The following NFX1 variants were observed in gnomAD, a reference collection of about 807,000 sequenced individuals.
NFX1 encodes the protein transcriptional repressor NF-X1.
A neutral mutation model predicts 137.2 loss-of-function variants in NFX1; 69 were observed. The observed-to-expected ratio is 0.50, with a 90% CI of 0.41 to 0.61. NFX1 has a LOEUF of 0.61. Among genes scored for constraint, NFX1 ranks in the 20% least tolerant of loss-of-function variants. The pLI is 0.00. For missense variants in NFX1, 1,167 were observed against 1,391.0 expected (o/e 0.84, Z 2.56); for synonymous variants, 495 against 474.1 (o/e 1.04, Z -0.57).
At chr9:33,309,667 G>T (rs1821893269) in intron 5 of NFX1, among the ~76,000 whole-genome samples, 1 of 152,166 alleles carries the variant, frequency 6.6e-6, no homozygotes, top group Non-Finnish European at 1.5e-5. Context: ...TCGCTCTGTT[G>T]CCCAGGCTTG....
intron 21 of NFX1, among the ~76,000 whole-genome samples, chr9:33,366,314 C>T (rs992803905): frequency 6.6e-6 from 1 of 152,070 alleles, no homozygotes; most frequent in African/African-American, 2.4e-5. Context: ...TGGGGAATAT[C>T]ACCCACTCCC....
intron 9 of NFX1, among the ~76,000 whole-genome samples, chr9:33,319,660 C>G (rs971993978): frequency 6.6e-6 from 1 of 152,178 alleles, no homozygotes; most frequent in Admixed American, 6.5e-5. Context: ...CAGGCGCACA[C>G]CACCACGCCC....
rs376762913 is a variant in NFX1, at chr9:33,330,569, T to C, written c.2004+1891T>C. On this transcript the variant is annotated intron_variant, in intron 10 of 23. Coordinates refer to ENST00000379540, the MANE Select transcript of NFX1 (RefSeq NM_002504.6). ...GATTTGGCAATCATAAATTTAGTAA[T>C]GCCCAGAGATGCTCTTTGTGATCTG... Among the ~76,000 whole-genome samples, 221 of 152,340 alleles carry C rather than the reference T, an allele frequency of 1.5e-3. 7 individuals carry two copies. In the South Asian group the frequency reaches 0.044, roughly 30 times the overall value.
intron 10 of NFX1, among the ~76,000 whole-genome samples, chr9:33,331,862 A>G (rs935123701): frequency 1.3e-5 from 2 of 152,180 alleles, no homozygotes; most frequent in Admixed American, 1.3e-4. Flanking sequence ...CTTCCTTCCC[A>G]CACACCATCA....
Position 33,338,503 on chromosome 9 carries a change from A to G in NFX1, c.2036-7A>G, listed in dbSNP as rs1294759768. 9 of 1,605,394 alleles carry G rather than the reference A, an allele frequency of 5.6e-6. No individual in the cohort carries two copies. The highest frequency in any genetic ancestry group is 7.6e-6 in the Non-Finnish European group (9 of 1,177,590). ...GTTTTTTTTTTCTTTTTAATTTGCC[A>G]CAGCAGATGCTACATTTATGTGTGA... On this transcript the variant is annotated splice_polypyrimidine_tract_variant and splice_region_variant and intron_variant, in intron 11 of 23. Coordinates refer to ENST00000379540, the MANE Select transcript of NFX1 (RefSeq NM_002504.6).
chr9:33,294,320 A>G (rs915870068), intron 1 of NFX1, 100 bp from the exon 2 acceptor site: 27 of 1,132,852 alleles, frequency 2.4e-5, no homozygotes, highest in Non-Finnish European at 3.1e-5. Context: ...GTTTTATACA[A>G]AGTTCTAAGG....
intron 11 of NFX1, among the ~76,000 whole-genome samples, chr9:33,334,582 G>T (rs1822931129): frequency 6.6e-6 from 1 of 152,136 alleles, no homozygotes; most frequent in African/African-American, 2.4e-5. Flanking sequence ...TTGTTAGTTA[G>T]GGTTTCAGAT....
Position 33,351,732 on chromosome 9 carries a change from C to A in NFX1, c.2597C>A (p.Pro866Gln). 3 of 1,612,630 alleles carry A rather than the reference C, an allele frequency of 1.9e-6. No individual in the cohort carries two copies. The highest frequency in any genetic ancestry group is 3.3e-5 in the Admixed American group (2 of 59,826). Residue 866 changes from proline (P) to glutamine (Q), a missense_variant, in exon 16 of 24, where the codon CCG becomes CAG. Transcript: ENST00000379540. Reference protein sequence around the residue: ...CTTPRADCGHPCMAPCHTSSP... With the variant: ...CTTPRADCGHQCMAPCHTSSP... ...ACCCCCAGAGCTGACTGTGGTCACC[C>A]GTGTATGGCACCCTGCCATACCAGC...
intron 11 of NFX1, among the ~76,000 whole-genome samples, chr9:33,337,731 TAAAACAAAACAAAAC>T (rs144681736): frequency 1.3e-5 from 2 of 149,322 alleles, no homozygotes; most frequent in African/African-American, 2.5e-5. Context: ...CCTGTCTCTT[TAAAACAAAACAAAAC>T]AAAACAAAAC....
intron 12 of NFX1, among the ~76,000 whole-genome samples, chr9:33,342,440 C>T (rs564570776): frequency 1.3e-5 from 2 of 152,174 alleles, no homozygotes; most frequent in South Asian, 2.1e-4. Context: ...CCAGCCTGGG[C>T]GACAGAGCGA....
rs1384076611 is a variant in NFX1 at position 33,370,023 on chromosome 9, G to A, written c.*45G>A. The stretch of plus-strand genomic sequence containing the variant: ...GATAAAAGAATGATTAGGTATAGTG[G>A]AGACTTATTTGCCAGCAGATAAATC... On this transcript the variant is annotated 3_prime_UTR_variant, in exon 24 of 24. Coordinates refer to ENST00000379540, the MANE Select transcript of NFX1 (RefSeq NM_002504.6). 1 of 1,470,222 alleles carries A rather than the reference G, an allele frequency of 6.8e-7. No homozygotes were observed. Among genetic ancestry groups the A allele is most frequent in the Non-Finnish European group, 9.5e-7 (1 of 1,054,502 alleles). The allele number at this position is 1,470,222 out of a possible 1,614,324, so 91.1% of individuals were successfully genotyped here.
At chr9:33,362,946 C>T (rs1244162626) in intron 19 of NFX1, among the ~76,000 whole-genome samples, 4 of 151,796 alleles carry the variant, frequency 2.6e-5, no homozygotes, top group Admixed American at 6.6e-5. Context: ...TCAGGTGATC[C>T]GCCCGCCTCG....
intron 18 of NFX1, 99 bp from the exon 19 acceptor site, chr9:33,354,752 C>A: frequency 8.7e-7 from 1 of 1,145,404 alleles, no homozygotes; most frequent in Non-Finnish European, 1.2e-6. Context: ...TGGCAAGAGT[C>A]AGCTGTGCTT....
At chr9:33,330,884 A>G (rs1822781193) in intron 10 of NFX1, among the ~76,000 whole-genome samples, 1 of 152,212 alleles carries the variant, frequency 6.6e-6, no homozygotes, top group Non-Finnish European at 1.5e-5. Flanking sequence ...AACTCTTCAA[A>G]AAGCTGATAA....
intron 2 of NFX1, among the ~76,000 whole-genome samples, chr9:33,300,284 T>C (rs563143374): frequency 3.9e-4 from 59 of 151,958 alleles, no homozygotes; most frequent in African/African-American, 1.2e-3. Flanking sequence ...AGGATGGTCT[T>C]GATCTCCCGA....
chr9:33,290,608 G>A lies in NFX1; in HGVS notation c.25+11G>A, dbSNP rs1336700948. 6.2e-7 allele frequency: 1 copy of A among 1,612,178 alleles called. No homozygotes were observed. The highest frequency in any genetic ancestry group is 2.2e-5 in the East Asian group (1 of 44,810). On this transcript the variant is annotated intron_variant, in intron 1 of 23. Coordinates refer to ENST00000379540, the MANE Select transcript of NFX1 (RefSeq NM_002504.6). ...CGCCTCCTGTCTCAGGTATTGTCCC[G>A]GCCCGAGCGGGACTGGGCCCCTTTC...
chr9:33,299,770 C>T (rs1250110341), intron 2 of NFX1, among the ~76,000 whole-genome samples: 1 of 152,136 alleles, frequency 6.6e-6, no homozygotes, highest in Non-Finnish European at 1.5e-5. Flanking sequence ...AATGGAGCAC[C>T]TAGTATATGC....
intron 5 of NFX1, among the ~76,000 whole-genome samples, chr9:33,307,666 C>T (rs182409540): frequency 7.2e-5 from 11 of 152,258 alleles, no homozygotes; most frequent in African/African-American, 2.4e-4. Flanking sequence ...TGTTTTATCC[C>T]GCATTGATAT....
chr9:33,303,293 G>A (rs759421646), intron 4 of NFX1, 25 bp downstream of exon 4: 1 of 1,593,464 alleles, frequency 6.3e-7, no homozygotes, highest in South Asian at 1.1e-5. Flanking sequence ...ATACACTGGA[G>A]TCTCTTTTAC....
Sources: gnomAD v4.1 joint callset for allele counts (sites outside exome capture counted in the v4.1 genomes callset) on GRCh38, gnomAD v4.1.1 for gene constraint, MANE v1.5 for transcripts, NCBI Gene and HGNC (gene_info 2026-07-23, HGNC 2026-07-21) for gene names.